AASS: variants seen among roughly 807,000 people sequenced by gnomAD.
AASS encodes alpha-aminoadipic semialdehyde synthase, mitochondrial.
Under a neutral mutation model 105.4 loss-of-function variants are expected in AASS, and 86 were observed. That is an observed-to-expected ratio of 0.82 (90% CI 0.69 to 0.98). The LOEUF (loss-of-function observed/expected upper bound fraction) is 0.98, where lower values mean the gene tolerates loss of function less well. AASS is among the 50% of genes least tolerant of loss of function. AASS has a pLI of 0.00. For synonymous variants in AASS, 381 were observed against 394.8 expected (o/e 0.96, Z 0.41); for missense variants, 1,048 against 1,143.2 (o/e 0.92, Z 1.20).
chr7:122,121,733 C>CA (rs1402158245), intron 4 of AASS, among the ~76,000 whole-genome samples: 10 of 152,084 alleles, frequency 6.6e-5, no homozygotes, highest in African/African-American at 2.4e-4. Context: ...TACATTCTAC[C>CA]ATTTGTAGTG....
At chr7:122,097,282 T>G (rs76533691) in intron 15 of AASS, among the ~76,000 whole-genome samples, 1,595 of 152,154 alleles carry the variant, frequency 0.01, 23 homozygotes, top group African/African-American at 0.037. Context: ...AACAGATAAC[T>G]TTCTTCTTCT....
At position 122,116,669 on chromosome 7, in the gene AASS, T is replaced by TTTGTCATA; in HGVS notation, c.850_857dup (p.Lys286AsnfsTer10). The TTTGTCATA allele has an allele frequency of 6.2e-7, 1 of 1,614,090 alleles. No homozygotes were observed. Among genetic ancestry groups the TTTGTCATA allele is most frequent in the Non-Finnish European group, 8.5e-7 (1 of 1,180,000 alleles). On this transcript the variant is annotated frameshift_variant, in exon 8 of 24. Coordinates refer to ENST00000417368, the MANE Select transcript of AASS (RefSeq NM_005763.4). LOFTEE classifies it high-confidence loss of function. ...AACGACTTATGTAGCGCTCCGGATG[T>TTTGTCATA]TTGTCATACTCTGCAGGATCATACA...
At chr7:122,118,792 T>G (rs937862593) in intron 4 of AASS, among the ~76,000 whole-genome samples, 162 bp from the exon 5 acceptor site, 2 of 152,208 alleles carry the variant, frequency 1.3e-5, no homozygotes, top group Non-Finnish European at 2.9e-5. Flanking sequence ...CTCAACTTTC[T>G]GCCATCAAAT....
At chr7:122,134,370 T>G (rs1235433846) in intron 1 of AASS, among the ~76,000 whole-genome samples, 1 of 152,102 alleles carries the variant, frequency 6.6e-6, no homozygotes, top group African/African-American at 2.4e-5. Flanking sequence ...CATGATCATA[T>G]TTATTTATTT....
intron 18 of AASS, among the ~76,000 whole-genome samples, chr7:122,091,176 T>C (rs535328974): frequency 6.6e-6 from 1 of 152,296 alleles, no homozygotes; most frequent in East Asian, 1.9e-4. Context: ...AGCTTTCTTA[T>C]TGTAAAATAA....
chr7:122,140,936 G>C (rs1166986427), intron 1 of AASS, among the ~76,000 whole-genome samples: 1 of 151,850 alleles, frequency 6.6e-6, no homozygotes, highest in Non-Finnish European at 1.5e-5. Context: ...AGAAGCACTG[G>C]TGTCTGTAAA....
At chr7:122,077,139 T>C (rs1472353582) in intron 23 of AASS, among the ~76,000 whole-genome samples, 10 of 152,176 alleles carry the variant, frequency 6.6e-5, no homozygotes, top group Non-Finnish European at 1.5e-5. Flanking sequence ...TAATTTGACA[T>C]TAGCTGATAT....
In AASS at chr7:122,091,725, G is replaced by A; in HGVS notation, c.1994C>T (p.Ala665Val). The A allele has an allele frequency of 6.2e-7, 1 of 1,613,226 alleles. No individual in the cohort carries two copies. The highest frequency in any genetic ancestry group is 1.1e-5 in the South Asian group (1 of 91,068). ...VGVLMNVMQSATYLLDGKVVN... is the reference protein window; with the variant it reads ...VGVLMNVMQSVTYLLDGKVVN... ...CACCTTTCCATCGAGCAGATAGGTG[G>A]CAGACTGCATTACATTCATCAAAAC... is the stretch of plus-strand genomic sequence containing the variant. Residue 665 changes from alanine to valine, a missense_variant, in exon 18 of 24, where the codon GCC becomes GTC. Ala to Val is a moderately conservative substitution (Grantham distance 64). Transcript: ENST00000417368.
intron 18 of AASS, among the ~76,000 whole-genome samples, chr7:122,088,969 A>G (rs1363957534): frequency 6.6e-6 from 1 of 152,150 alleles, no homozygotes; most frequent in Non-Finnish European, 1.5e-5. Flanking sequence ...ACAAGTGGCT[A>G]GAAATTACTA....
chr7:122,105,084 C>G (rs964528257), intron 11 of AASS, among the ~76,000 whole-genome samples: 3 of 151,968 alleles, frequency 2.0e-5, no homozygotes, highest in Admixed American at 1.3e-4. Flanking sequence ...AGGGACAATA[C>G]TTATTCTAGA....
chr7:122,081,754 G>A, intron 19 of AASS, 159 bp from the exon 20 acceptor site: 1 of 620,634 alleles, frequency 1.6e-6, no homozygotes, highest in Non-Finnish European at 2.8e-6. Flanking sequence ...TGCCTAGCAG[G>A]TTTTCCTGTC....
At chr7:122,138,566 A>G (rs991696566) in intron 1 of AASS, among the ~76,000 whole-genome samples, 1 of 152,184 alleles carries the variant, frequency 6.6e-6, no homozygotes, top group Non-Finnish European at 1.5e-5. Context: ...AAACCATGGA[A>G]AGCGAAAACT....
rs1215465719 is a variant in AASS at position 122,108,311 on chromosome 7, A to G, written c.1278+4807T>C. ...ATATCAAGGAGGAGGGAATTCTTCCAAACTAATTCTATAAGGCCAGTGTTA... is the reference window on the plus strand; with the variant it reads ...ATATCAAGGAGGAGGGAATTCTTCCGAACTAATTCTATAAGGCCAGTGTTA... On this transcript the variant is annotated intron_variant, in intron 11 of 23. Coordinates refer to ENST00000417368, the MANE Select transcript of AASS (RefSeq NM_005763.4). Among the ~76,000 whole-genome samples the G allele has an allele frequency of 3.3e-5, 5 of 152,108 alleles. No individual in the cohort carries two copies. In the East Asian group the frequency reaches 9.6e-4, roughly 29 times the overall value.
intron 11 of AASS, among the ~76,000 whole-genome samples, chr7:122,109,741 C>G (rs935277893): frequency 6.6e-6 from 1 of 150,724 alleles, no homozygotes; most frequent in Non-Finnish European, 1.5e-5. Flanking sequence ...ATTACATTGA[C>G]CTGGTTAAGA....
chr7:122,095,284 C>T (rs1044117379), intron 15 of AASS, among the ~76,000 whole-genome samples: 3 of 151,962 alleles, frequency 2.0e-5, no homozygotes, highest in South Asian at 4.2e-4. Flanking sequence ...AACTTTGATT[C>T]GGTTTTCAAC....
intron 23 of AASS, 86 bp downstream of exon 23, chr7:122,077,752 C>G: frequency 6.6e-7 from 1 of 1,519,086 alleles, no homozygotes. Flanking sequence ...CTGTGTTACG[C>G]TCAAGAGCAA....
At chr7:122,090,454 C>T (rs1793843626) in intron 18 of AASS, among the ~76,000 whole-genome samples, 1 of 152,144 alleles carries the variant, frequency 6.6e-6, no homozygotes, top group Non-Finnish European at 1.5e-5. Context: ...CTCTATATCA[C>T]AGGCACAAAA....
chr7:122,081,656 A>G (rs1427028046), intron 19 of AASS, 61 bp from the exon 20 acceptor site: 11 of 1,219,422 alleles, frequency 9.0e-6, no homozygotes, highest in African/African-American at 4.5e-5. Context: ...AAAACTTAAA[A>G]TATTTTTGAA....
At chr7:122,108,143 C>T (rs1053976332) in intron 11 of AASS, among the ~76,000 whole-genome samples, 2 of 151,924 alleles carry the variant, frequency 1.3e-5, no homozygotes, top group African/African-American at 4.8e-5. Context: ...TCTGAATAGG[C>T]GAATCGATAA....
Sources: allele counts gnomAD v4.1 joint callset (sites outside exome capture counted in the v4.1 genomes callset), GRCh38; gene constraint gnomAD v4.1.1; transcripts MANE v1.5; gene names NCBI Gene and HGNC (gene_info 2026-07-23, HGNC 2026-07-21).